STK32B: variants seen among roughly 807,000 people sequenced by gnomAD.
STK32B encodes serine/threonine-protein kinase 32B.
Under a neutral mutation model 52.6 loss-of-function variants are expected in STK32B, and 43 were observed. That is an observed-to-expected ratio of 0.82 (90% CI 0.64 to 1.05). The LOEUF (loss-of-function observed/expected upper bound fraction) is 1.05, where lower values mean the gene tolerates loss of function less well. Ranked by LOEUF, STK32B falls within the 50% of genes least tolerant of loss-of-function variation. STK32B has a pLI of 0.00. For missense variants in STK32B, 621 were observed against 534.6 expected (o/e 1.16, Z -1.59); for synonymous variants, 238 against 204.3 (o/e 1.17, Z -1.41).
chr4:5,046,811 G>A (rs1326180617), upstream of STK32B, among the ~76,000 whole-genome samples: 1 of 152,106 alleles, frequency 6.6e-6, no homozygotes. Flanking sequence ...CCAGTCAGAA[G>A]GGTGATTATT....
chr4:5,050,511 G>C (rs1741719700), upstream of STK32B, among the ~76,000 whole-genome samples: 1 of 152,204 alleles, frequency 6.6e-6, no homozygotes, highest in African/African-American at 2.4e-5. Context: ...ACTGGAGAGA[G>C]AGACCAGGTA....
At chr4:5,359,858 G>A (rs1734431876) in intron 4 of STK32B, among the ~76,000 whole-genome samples, 1 of 152,192 alleles carries the variant, frequency 6.6e-6, no homozygotes, top group South Asian at 2.1e-4. Context: ...GGGGAAAGGT[G>A]AGACATGAGG....
At chr4:5,464,043 TC>T (rs1280515185) in intron 9 of STK32B, among the ~76,000 whole-genome samples, 2 of 152,088 alleles carry the variant, frequency 1.3e-5, no homozygotes, top group Non-Finnish European at 2.9e-5. Flanking sequence ...TCAGGGAGCT[TC>T]CAGTCAGGGC....
At chr4:5,430,931 C>G (rs1171773630) in intron 6 of STK32B, among the ~76,000 whole-genome samples, 1 of 152,206 alleles carries the variant, frequency 6.6e-6, no homozygotes, top group Admixed American at 6.5e-5. Flanking sequence ...CAATAGGCTT[C>G]TGTTTCTAGT....
At chr4:5,091,009 C>G (rs545689114) in intron 1 of STK32B, among the ~76,000 whole-genome samples, 1 of 152,038 alleles carries the variant, frequency 6.6e-6, no homozygotes, top group Non-Finnish European at 1.5e-5. Context: ...AATTCAGGAC[C>G]ATATAGTTTC....
intron 4 of STK32B, among the ~76,000 whole-genome samples, chr4:5,332,151 AT>A (rs886325344): frequency 2.8e-4 from 42 of 152,216 alleles, no homozygotes; most frequent in African/African-American, 9.9e-4. Flanking sequence ...AAGATGACAG[AT>A]TAAGCATATA....
chr4:5,489,416 A>G (rs992805140), intron 11 of STK32B, among the ~76,000 whole-genome samples: 4 of 152,182 alleles, frequency 2.6e-5, no homozygotes, highest in African/African-American at 7.2e-5. Flanking sequence ...TAAATTAGCA[A>G]TACTTAATTA....
At chr4:5,221,045 A>C (rs1028828861) in intron 3 of STK32B, among the ~76,000 whole-genome samples, 2 of 152,140 alleles carry the variant, frequency 1.3e-5, no homozygotes, top group African/African-American at 4.8e-5. Flanking sequence ...AATAATTGTC[A>C]TATTGAAGTT....
intron 3 of STK32B, among the ~76,000 whole-genome samples, chr4:5,319,231 A>C (rs1402130548): frequency 6.6e-6 from 1 of 152,172 alleles, no homozygotes; most frequent in Non-Finnish European, 1.5e-5. Flanking sequence ...TGTATGACTA[A>C]TGAGGATATG....
chr4:5,200,535 G>A (rs550360765), intron 3 of STK32B, among the ~76,000 whole-genome samples: 7 of 152,258 alleles, frequency 4.6e-5, no homozygotes, highest in African/African-American at 1.7e-4. Flanking sequence ...GGCCCACAGG[G>A]ATCGTGCGGC....
chr4:5,311,414 G>T (rs1334269778), intron 3 of STK32B, among the ~76,000 whole-genome samples: 2 of 152,176 alleles, frequency 1.3e-5, no homozygotes, highest in Middle Eastern at 3.4e-3. Context: ...CCCAAGGCAA[G>T]CTGAAAGAAT....
At chr4:5,475,726 C>G (rs971145301) in intron 11 of STK32B, among the ~76,000 whole-genome samples, 1 of 145,808 alleles carries the variant, frequency 6.9e-6, no homozygotes, top group Non-Finnish European at 1.5e-5. Context: ...CCGATTCTGA[C>G]AAATCTCAGC....
At chr4:5,477,947 A>G (rs1460103667) in intron 11 of STK32B, among the ~76,000 whole-genome samples, 3 of 152,018 alleles carry the variant, frequency 2.0e-5, no homozygotes, top group African/African-American at 7.2e-5. Context: ...GACCCAGCAA[A>G]CCTCACCCTT....
intron 3 of STK32B, among the ~76,000 whole-genome samples, chr4:5,304,111 C>G (rs571001044): frequency 6.6e-6 from 1 of 152,048 alleles, no homozygotes; most frequent in East Asian, 1.9e-4. Context: ...TCAGATAATG[C>G]AGTGCCTCCA....
intron 5 of STK32B, among the ~76,000 whole-genome samples, chr4:5,403,570 T>A (rs886594682): frequency 3.3e-5 from 5 of 152,234 alleles, no homozygotes; most frequent in African/African-American, 1.2e-4. Flanking sequence ...CATTTTCTAT[T>A]AATACACTGT....
At chr4:5,143,101 C>CTCTGTCTGTCTG (rs3072779) in intron 2 of STK32B, among the ~76,000 whole-genome samples, 47,062 of 135,550 alleles carry the variant, frequency 0.35, 8,942 homozygotes, top group Non-Finnish European at 0.45. Flanking sequence ...CTGTCTCTGT[C>CTCTGTCTGTCTG]TCTGTCTGTC....
At chr4:5,093,244 G>A (rs971057663) in intron 1 of STK32B, among the ~76,000 whole-genome samples, 1 of 152,088 alleles carries the variant, frequency 6.6e-6, no homozygotes, top group African/African-American at 2.4e-5. Flanking sequence ...TATTATAAAA[G>A]GTTAACATTT....
rs11934815 is a variant in STK32B, at chr4:5,170,992, C to G, written c.260+2542C>G. On this transcript the variant is annotated intron_variant, in intron 3 of 11. Transcript: ENST00000282908. ...TGTTGTTTCCTGACTTTTTAATGAT[C>G]TCCATTCTAACTGGTGTGAGATGGT... Among the ~76,000 whole-genome samples the G allele has an allele frequency of 9.9e-3, 1,514 of 152,264 alleles. 22 individuals carry two copies. The highest frequency in any genetic ancestry group is 0.034 in the African/African-American group (1,402 of 41,544).
intron 3 of STK32B, among the ~76,000 whole-genome samples, chr4:5,203,113 T>C (rs1335364519): frequency 6.6e-6 from 1 of 152,182 alleles, no homozygotes; most frequent in Non-Finnish European, 1.5e-5. Context: ...TTCACTCTTC[T>C]CTAAAAAGAT....
Sources: allele counts gnomAD v4.1 joint callset (sites outside exome capture counted in the v4.1 genomes callset), GRCh38; gene constraint gnomAD v4.1.1; transcripts MANE v1.5; gene names NCBI Gene and HGNC (gene_info 2026-07-23, HGNC 2026-07-21).